The following TULP4 variants were observed in gnomAD, a reference collection of about 807,000 sequenced individuals.
TULP4 encodes TUB like protein 4.
A neutral mutation model predicts 129.0 loss-of-function variants in TULP4; 16 were observed. The observed-to-expected ratio is 0.12, with a 90% confidence interval of 0.08 to 0.19. The LOEUF is 0.19. Ranked by LOEUF, TULP4 falls within the 10% of genes least tolerant of loss-of-function variation. TULP4 has a pLI of 1.00. For synonymous variants in TULP4, 998 were observed against 854.0 expected (o/e 1.17, Z -2.94); for missense variants, 1,842 against 2,059.1 (o/e 0.89, Z 2.04).
intron 1 of TULP4, among the ~76,000 whole-genome samples, chr6:158,322,121 A>G (rs950935275): frequency 1.3e-5 from 2 of 152,248 alleles, no homozygotes; most frequent in Non-Finnish European, 2.9e-5. Context: ...ACATTTATAC[A>G]GTATTTAAAG....
chr6:158,274,649 C>T (rs553480733), intron 1 of TULP4, among the ~76,000 whole-genome samples: 4 of 152,090 alleles, frequency 2.6e-5, no homozygotes, highest in Admixed American at 6.5e-5. Flanking sequence ...TGGTGGCGGG[C>T]GCCTGTAGTC....
chr6:158,335,826 G>A (rs1448613364), intron 1 of TULP4, among the ~76,000 whole-genome samples: 1 of 152,140 alleles, frequency 6.6e-6, no homozygotes, highest in Non-Finnish European at 1.5e-5. Context: ...GTATATCGTA[G>A]TACTATATTT....
chr6:158,277,234 C>T (rs558294572), intron 1 of TULP4, among the ~76,000 whole-genome samples: 4 of 152,346 alleles, frequency 2.6e-5, no homozygotes, highest in East Asian at 1.9e-4. Context: ...AGCCACCATG[C>T]CCAGCCCTAC....
intron 1 of TULP4, among the ~76,000 whole-genome samples, chr6:158,325,361 T>TTC (rs1245690189): frequency 6.6e-6 from 1 of 150,412 alleles, no homozygotes; most frequent in Non-Finnish European, 1.5e-5. Context: ...TTTTCTTTTT[T>TTC]TTTTTTTTTC....
At chr6:158,358,221 A>G (rs1033740817) in intron 1 of TULP4, among the ~76,000 whole-genome samples, 1 of 152,328 alleles carries the variant, frequency 6.6e-6, no homozygotes, top group African/African-American at 2.4e-5. Context: ...GAGTCCTTGG[A>G]CCTGAGAACC....
chr6:158,488,185 G>A (rs972146470), intron 8 of TULP4, among the ~76,000 whole-genome samples: 10 of 152,182 alleles, frequency 6.6e-5, no homozygotes, highest in Non-Finnish European at 1.5e-4. Flanking sequence ...GCATTGATGA[G>A]TGAGTCAGGA....
chr6:158,334,525 A>T lies in TULP4; in HGVS notation c.252+20257A>T, dbSNP rs145659777. Among the ~76,000 whole-genome samples the T allele has an allele frequency of 7.1e-3, 1,087 of 152,360 alleles. 11 individuals carry two copies. The highest frequency in any genetic ancestry group is 0.026 in the African/African-American group (1,064 of 41,576). On this transcript the variant is annotated intron_variant, in intron 1 of 13. Coordinates refer to ENST00000367097, the MANE Select transcript of TULP4 (RefSeq NM_020245.5). ...GTAAGGCTACTGATCAGCAATAGAC[A>T]TGAGTAAATAAGTTTTAGGGGAGGT...
chr6:158,293,966 C>T (rs538961234), intron 1 of TULP4, among the ~76,000 whole-genome samples: 4 of 152,218 alleles, frequency 2.6e-5, no homozygotes, highest in East Asian at 1.9e-4. Flanking sequence ...GAACCAGCCT[C>T]GGGGCAGCCA....
intron 1 of TULP4, among the ~76,000 whole-genome samples, chr6:158,375,365 C>G (rs959907963): frequency 2.6e-5 from 4 of 152,208 alleles, no homozygotes; most frequent in African/African-American, 9.6e-5. Context: ...GTTTCTCCTG[C>G]ATATTAACAT....
chr6:158,282,489 C>T lies in TULP4; in HGVS notation n.116+111C>T, dbSNP rs9459917. 8.0e-4 allele frequency: 121 copies of T among 151,886 alleles called. 2 individuals carry two copies. The highest frequency in any genetic ancestry group is 2.8e-3 in the African/African-American group (118 of 41,406). The allele number at this position is 151,886 out of a possible 1,614,324, so 9.4% of individuals were successfully genotyped here. On this transcript the variant is annotated intron_variant and non_coding_transcript_variant, in intron 1 of 1. Transcript: ENST00000432358. ...GTCCAGCTGTGATTATAACCTTTGA[C>T]TGAAATGTGGGTTAAGGGGACATTT...
At position 158,501,975 on chromosome 6, in the gene TULP4, C is replaced by T. The variant is rs768196847; in HGVS notation, c.2312C>T (p.Pro771Leu). The change falls in exon 13 of 14, where the codon CCT (proline) becomes CTT (leucine). Residue 771 changes from proline (P) to leucine (L), a missense_variant. Pro to Leu is a moderately conservative substitution (Grantham distance 98). Coordinates refer to ENST00000367097, the MANE Select transcript of TULP4 (RefSeq NM_020245.5). ...ATGGGCCGCATCATTCAGAACCCCC[C>T]TCCACTGTCCCTGCCTCCCCCGCCG... ...VEMGRIIQNP[P>L]PLSLPPPPQG... 2 of 1,613,842 alleles carry T rather than the reference C, an allele frequency of 1.2e-6. No homozygotes were observed. The highest frequency in any genetic ancestry group is 3.3e-5 in the Admixed American group (2 of 60,016).
intron 12 of TULP4, among the ~76,000 whole-genome samples, chr6:158,500,784 G>A (rs1382696143): frequency 6.6e-6 from 1 of 152,210 alleles, no homozygotes; most frequent in Non-Finnish European, 1.5e-5. Context: ...AGCAGATAAA[G>A]GCCAGGCAGG....
chr6:158,389,654 G>C (rs1162572316), intron 1 of TULP4, among the ~76,000 whole-genome samples: 1 of 151,994 alleles, frequency 6.6e-6, no homozygotes, highest in Non-Finnish European at 1.5e-5. Context: ...TGCTGTGAAA[G>C]GGCATATGAA....
rs1780482883 is a variant in TULP4, at chr6:158,502,610, A to G, written c.2947A>G (p.Ile983Val). 1 of 1,599,868 alleles carries G rather than the reference A, an allele frequency of 6.3e-7. No homozygotes were observed. The highest frequency in any genetic ancestry group is 1.1e-5 in the South Asian group (1 of 90,904). Reference sequence around the variant, plus strand: ...TGCCCAGAGGTCCGACAATAGCCTCATCCACGCTACCCTGCGGAGGAACAA... The same window carrying G: ...TGCCCAGAGGTCCGACAATAGCCTCGTCCACGCTACCCTGCGGAGGAACAA... ...GAAQRSDNSL[I>V]HATLRRNNRE... The change falls in exon 13 of 14, where the codon ATC (isoleucine) becomes GTC (valine). Residue 983 changes from isoleucine to valine, a missense_variant. Around this residue, in one of 5 missense-constraint regions of TULP4, gnomAD observed 1,089 missense variants for 987.1 expected, o/e 1.10. Coordinates refer to ENST00000367097, the MANE Select transcript of TULP4 (RefSeq NM_020245.5).
At chr6:158,381,764 A>G (rs1583818618) in intron 1 of TULP4, among the ~76,000 whole-genome samples, 1 of 152,234 alleles carries the variant, frequency 6.6e-6, no homozygotes, top group Admixed American at 6.5e-5. Flanking sequence ...AGTAATGACA[A>G]TAGTTTCATT....
chr6:158,453,622 G>A lies in TULP4; in HGVS notation c.859+1354G>A, dbSNP rs1216456489. 2.0e-5 allele frequency among the ~76,000 whole-genome samples: 3 copies of A among 149,864 alleles called. No individual in the cohort carries two copies. In the South Asian group the frequency reaches 6.4e-4, roughly 32 times the overall value. The stretch of plus-strand genomic sequence containing the variant: ...TGGCCAACATCGTGAAACCTCGTCT[G>A]TATTAAAAATACACAAATTAGCTGG... On this transcript the variant is annotated intron_variant, in intron 5 of 13. Transcript: ENST00000367097.
At chr6:158,423,006 C>A (rs1169284582) in intron 2 of TULP4, among the ~76,000 whole-genome samples, 1 of 152,076 alleles carries the variant, frequency 6.6e-6, no homozygotes, top group Non-Finnish European at 1.5e-5. Flanking sequence ...AAGAAACTTA[C>A]AGGCTCACGC....
intron 1 of TULP4, among the ~76,000 whole-genome samples, chr6:158,246,818 G>A (rs562902520): frequency 2.2e-4 from 33 of 152,274 alleles, no homozygotes; most frequent in Admixed American, 1.8e-3. Flanking sequence ...ATACTCACCC[G>A]TGAGATAAAG....
chr6:158,495,796 C>T (rs1005433627), intron 11 of TULP4, among the ~76,000 whole-genome samples: 11 of 151,580 alleles, frequency 7.3e-5, no homozygotes, highest in Non-Finnish European at 7.4e-5. Flanking sequence ...GCCGAGATCA[C>T]GCCACTGCAC....
Sources: allele counts gnomAD v4.1 joint callset (sites outside exome capture counted in the v4.1 genomes callset), GRCh38; gene constraint gnomAD v4.1.1; regional missense constraint gnomAD v4.1.1; transcripts MANE v1.5; gene names NCBI Gene and HGNC (gene_info 2026-07-23, HGNC 2026-07-21).